EPOR: variants seen among roughly 807,000 people sequenced by gnomAD.
EPOR encodes erythropoietin receptor.
In EPOR, 20 loss-of-function variants were observed where a neutral mutation model predicts 34.3. That is an observed-to-expected ratio of 0.58 (90% confidence interval 0.41 to 0.85). The LOEUF is 0.85. Among genes scored for constraint, EPOR ranks in the 40% least tolerant of loss-of-function variants. The pLI is 0.00. For synonymous variants in EPOR, 312 were observed against 299.0 expected (o/e 1.04, Z -0.45); for missense variants, 601 against 672.7 (o/e 0.89, Z 1.18).
Position 11,381,288 on chromosome 19 carries a change from C to T in EPOR, c.586-79G>A. ...GGGGCGGGCCCTGGTGGAACTGAGC[C>T]AATCAGGGGAAAGGAAAACGGTGCC... is the stretch of plus-strand genomic sequence containing the variant. On this transcript the variant is annotated intron_variant, in intron 4 of 7. Transcript: ENST00000222139. The surrounding 1 kb of genome is among the most constrained non-coding windows in gnomAD (Gnocchi z 5.3). The T allele has an allele frequency of 1.4e-6, 2 of 1,475,916 alleles. No individual in the cohort carries two copies. The highest frequency in any genetic ancestry group is 1.8e-6 in the Non-Finnish European group (2 of 1,083,208). The allele number at this position is 1,475,916 out of a possible 1,614,324, so 91.4% of individuals were successfully genotyped here.
rs1568327766 is a variant in EPOR at position 11,377,630 on chromosome 19, A to G, written c.*354T>C. ...GAGCTGTTTAACATACTATTTTGTT[A>G]TGTTATGAGTAGCATTCAGATTGCA... is the stretch of plus-strand genomic sequence containing the variant. On this transcript the variant is annotated 3_prime_UTR_variant, in exon 8 of 8. Coordinates refer to ENST00000222139, the MANE Select transcript of EPOR (RefSeq NM_000121.4). The G allele has an allele frequency of 2.1e-6, 1 of 481,946 alleles. No homozygotes were observed. Among genetic ancestry groups the G allele is most frequent in the Non-Finnish European group, 4.1e-6 (1 of 246,322 alleles). 29.9% of individuals were successfully genotyped at this position (481,946 alleles called of 1,614,324 possible).
Position 11,381,594 on chromosome 19 carries a change from G to C in EPOR, c.585+98C>G. Reference sequence around the variant, plus strand: ...GGGTAATGGGATGTGGGATGTTACGGACCGGCCCTGAAAGCGGCACCGGGC... The same window carrying C: ...GGGTAATGGGATGTGGGATGTTACGCACCGGCCCTGAAAGCGGCACCGGGC... On this transcript the variant is annotated intron_variant, in intron 4 of 7. Coordinates refer to ENST00000222139, the MANE Select transcript of EPOR (RefSeq NM_000121.4). This position sits in a 1 kb window ranked among gnomAD's most constrained non-coding sequence, Gnocchi z 5.3. 1 of 1,282,814 alleles carries C rather than the reference G, an allele frequency of 7.8e-7. No homozygotes were observed. The highest frequency in any genetic ancestry group is 1.1e-6 in the Non-Finnish European group (1 of 922,324). 79.5% of individuals were successfully genotyped at this position (1,282,814 alleles called of 1,614,324 possible). A position where few individuals can be genotyped will look rare whatever the true frequency, so the allele number is the denominator to read the frequency against.
chr19:11,378,125 A>G lies in EPOR; in HGVS notation c.1386T>C (p.Ser462=). ...LKYLYLVVSD[S]GISTDYSSGD... ...CTGAGCTGTAGTCAGTTGAGATGCC[A>G]GAGTCAGATACCACAAGGTACAGGT... Residue 462 remains serine (S), a synonymous_variant, in exon 8 of 8, where the codon TCT becomes TCC. Coordinates refer to ENST00000222139, the MANE Select transcript of EPOR (RefSeq NM_000121.4). This position sits in a 1 kb window ranked among gnomAD's most constrained non-coding sequence, Gnocchi z 5.3. 3.1e-6 allele frequency: 5 copies of G among 1,614,106 alleles called. No homozygotes were observed. Among genetic ancestry groups the G allele is most frequent in the Non-Finnish European group, 4.2e-6 (5 of 1,180,020 alleles).
At position 11,383,467 on chromosome 19, in the gene EPOR, C is replaced by T; in HGVS notation, c.116-235G>A. 1 of 473,718 alleles carries T rather than the reference C, an allele frequency of 2.1e-6. No individual in the cohort carries two copies. The highest frequency in any genetic ancestry group is 3.7e-6 in the Non-Finnish European group (1 of 267,488). 29.3% of individuals were successfully genotyped at this position (473,718 alleles called of 1,614,324 possible). A position where few individuals can be genotyped will look rare whatever the true frequency, so the allele number is the denominator to read the frequency against. ...GTCACCACTGGCGCACACCTGCCCA[C>T]CCAGCGGCCAGCTGAGCTGGGCGCG... On this transcript the variant is annotated intron_variant, in intron 1 of 7. Transcript: ENST00000222139. The surrounding 1 kb of genome is among the most constrained non-coding windows in gnomAD (Gnocchi z 4.9).
rs1158802858 is a variant in EPOR, at chr19:11,384,133, C to A, written c.75G>T (p.Ala25=). ...LCLLLAGAAW[A]PPPNLPDPKF... ...TGGGGTCCGGGAGGTTAGGCGGGGGCGCCCAGGCGGCCCCAGCGAGCAGGA... is the reference window on the plus strand; with the variant it reads ...TGGGGTCCGGGAGGTTAGGCGGGGGAGCCCAGGCGGCCCCAGCGAGCAGGA... Residue 25 remains alanine, a synonymous_variant, in exon 1 of 8, where the codon GCG becomes GCT. Transcript: ENST00000222139. 1.3e-6 allele frequency: 2 copies of A among 1,550,128 alleles called. No individual in the cohort carries two copies. The highest frequency in any genetic ancestry group is 1.2e-5 in the South Asian group (1 of 83,962).
Position 11,378,589 on chromosome 19 carries a change from G to A in EPOR, c.922C>T (p.Leu308=), listed in dbSNP as rs371786811. ...TTHKGNFQLW[L]YQNDGCLWWS... ...CACAGGCAGCCATCATTCTGGTACAGCCACAGCTGAAGAAATAGCACCAAC... is the reference window on the plus strand; with the variant it reads ...CACAGGCAGCCATCATTCTGGTACAACCACAGCTGAAGAAATAGCACCAAC... Residue 308 remains leucine (L), a synonymous_variant, in exon 8 of 8, where the codon CTG becomes TTG. Transcript: ENST00000222139. This position sits in a 1 kb window ranked among gnomAD's most constrained non-coding sequence, Gnocchi z 5.3. 10 of 1,614,086 alleles carry A rather than the reference G, an allele frequency of 6.2e-6. No individual in the cohort carries two copies. The highest frequency in any genetic ancestry group is 7.6e-6 in the Non-Finnish European group (9 of 1,180,040).
Position 11,381,252 on chromosome 19 carries a change from T to G in EPOR, c.586-43A>C, listed in dbSNP as rs971717705. 3.9e-6 allele frequency: 6 copies of G among 1,546,604 alleles called. No homozygotes were observed. Reference sequence around the variant, plus strand: ...GCGAGGGACGCGTAGCAGACAAAAATAGATGACGTGGGGGCGGGCCCTGGT... The same window carrying G: ...GCGAGGGACGCGTAGCAGACAAAAAGAGATGACGTGGGGGCGGGCCCTGGT... On this transcript the variant is annotated intron_variant, in intron 4 of 7. Transcript: ENST00000222139. This position sits in a 1 kb window ranked among gnomAD's most constrained non-coding sequence, Gnocchi z 5.3.
In EPOR at chr19:11,381,132, G is replaced by C. The variant is rs747618605; in HGVS notation, c.663C>G (p.Arg221=). 3 of 1,572,016 alleles carry C rather than the reference G, an allele frequency of 1.9e-6. No individual in the cohort carries two copies. The highest frequency in any genetic ancestry group is 2.6e-6 in the Non-Finnish European group (3 of 1,158,570). ...CGAAGCTCGGCTCAGCCATACGCGC[G>C]CGGACGGCGAAGGTGTAGCGCGTCC... The part of the protein sequence containing the change: ...RGRTRYTFAV[R]ARMAEPSFGG... Residue 221 remains arginine (R), a synonymous_variant, in exon 5 of 8, where the codon CGC becomes CGG. Transcript: ENST00000222139. This position sits in a 1 kb window ranked among gnomAD's most constrained non-coding sequence, Gnocchi z 5.3.
chr19:11,379,920 C>T (rs534606974), intron 6 of EPOR, among the ~76,000 whole-genome samples: 34 of 152,272 alleles, frequency 2.2e-4, no homozygotes, highest in African/African-American at 7.5e-4. Context: ...AGGCTGGTCG[C>T]GAACTCCCAA....
rs1273062872 is a variant in EPOR, at chr19:11,381,052, T to C, written c.739+4A>G. The C allele has an allele frequency of 6.3e-7, 1 of 1,598,668 alleles. No individual in the cohort carries two copies. ...TCCTCCTACACCCCCGCCTGGGGCC[T>C]CACCGCTAGGCGTCAGCAGCGACAC... On this transcript the variant is annotated splice_donor_region_variant and intron_variant, in intron 5 of 7. Coordinates refer to ENST00000222139, the MANE Select transcript of EPOR (RefSeq NM_000121.4). The surrounding 1 kb of genome is among the most constrained non-coding windows in gnomAD (Gnocchi z 5.3).
rs1308143422 is a variant in EPOR, at chr19:11,383,142, C to T, written c.206G>A (p.Ser69Asn). The T allele has an allele frequency of 1.2e-6, 2 of 1,613,588 alleles. No individual in the cohort carries two copies. The highest frequency in any genetic ancestry group is 1.3e-5 in the African/African-American group (1 of 75,048). Residue 69 changes from serine to asparagine, a missense_variant, in exon 2 of 8, where the codon AGC (serine) becomes AAC (asparagine). Ser to Asn is a conservative substitution (Grantham distance 46). Coordinates refer to ENST00000222139, the MANE Select transcript of EPOR (RefSeq NM_000121.4). The surrounding 1 kb of genome is among the most constrained non-coding windows in gnomAD (Gnocchi z 4.9). ...GTAGTTGCCCGGGCCCACCCCAGCG[C>T]TCGCCGCTTCCTCCCAGAAACACAC... ...DLVCFWEEAA[S>N]AGVGPGNYSF...
rs1968310639 is a variant in EPOR at position 11,378,321 on chromosome 19, A to G, written c.1190T>C (p.Met397Thr). The part of the protein sequence containing the change: ...GPGGSVDIVA[M>T]DEGSEASSCS... Reference sequence around the variant, plus strand: ...GGAGGATGCTTCTGAGCCTTCATCCATGGCCACTATGTCCACACTGCCACC... The same window carrying G: ...GGAGGATGCTTCTGAGCCTTCATCCGTGGCCACTATGTCCACACTGCCACC... The change falls in exon 8 of 8, where the codon ATG becomes ACG. Residue 397 changes from methionine to threonine, a missense_variant. Met to Thr is a moderately conservative substitution (Grantham distance 81). Transcript: ENST00000222139. This position sits in a 1 kb window ranked among gnomAD's most constrained non-coding sequence, Gnocchi z 5.3. 1.2e-6 allele frequency: 2 copies of G among 1,613,586 alleles called. No individual in the cohort carries two copies. Among genetic ancestry groups the G allele is most frequent in the East Asian group, 2.2e-5 (1 of 44,886 alleles).
chr19:11,382,851 G>C (rs1212721652), intron 2 of EPOR: 2 of 1,494,594 alleles, frequency 1.3e-6, no homozygotes, highest in South Asian at 2.4e-5. Flanking sequence ...CCTTACCCTC[G>C]ATTTGGAGGC....
rs761347229 is a variant in EPOR, at chr19:11,377,822, A to G, written c.*162T>C. 1.2e-6 allele frequency: 1 copy of G among 822,714 alleles called. No individual in the cohort carries two copies. Among genetic ancestry groups the G allele is most frequent in the South Asian group, 1.3e-5 (1 of 74,754 alleles). 51.0% of individuals were successfully genotyped at this position (822,714 alleles called of 1,614,324 possible). A position where few individuals can be genotyped will look rare whatever the true frequency, so the allele number is the denominator to read the frequency against. On this transcript the variant is annotated 3_prime_UTR_variant, in exon 8 of 8. Transcript: ENST00000222139. ...AAAAAAAAACTATACATATTTAAAAATACTGCAAGGTTGTGGTTTCCTGAG... is the reference window on the plus strand; with the variant it reads ...AAAAAAAAACTATACATATTTAAAAGTACTGCAAGGTTGTGGTTTCCTGAG...
Position 11,383,490 on chromosome 19 carries a change from G to A in EPOR, c.116-258C>T. On this transcript the variant is annotated intron_variant, in intron 1 of 7. Coordinates refer to ENST00000222139, the MANE Select transcript of EPOR (RefSeq NM_000121.4). The surrounding 1 kb of genome is among the most constrained non-coding windows in gnomAD (Gnocchi z 4.9). ...CACCCAGCGGCCAGCTGAGCTGGGC[G>A]CGGCGTTCAAGACCTCGAGCTCGGG... 1 of 426,374 alleles carries A rather than the reference G, an allele frequency of 2.3e-6. No individual in the cohort carries two copies. The highest frequency in any genetic ancestry group is 3.8e-5 in the South Asian group (1 of 26,374). The allele number at this position is 426,374 out of a possible 1,614,324, so 26.4% of individuals were successfully genotyped here.
In EPOR at chr19:11,383,732, G is replaced by C. The variant is rs1169906132; in HGVS notation, c.115+361C>G. 2.6e-5 allele frequency among the ~76,000 whole-genome samples: 4 copies of C among 151,960 alleles called. No homozygotes were observed. The highest frequency in any genetic ancestry group is 5.9e-5 in the Non-Finnish European group (4 of 67,912). On this transcript the variant is annotated intron_variant, in intron 1 of 7. Coordinates refer to ENST00000222139, the MANE Select transcript of EPOR (RefSeq NM_000121.4). The surrounding 1 kb of genome is among the most constrained non-coding windows in gnomAD (Gnocchi z 4.9). ...CTTGGCCCCTCTAACTCGGACCCGG[G>C]CTTTACCCTCCCTCCCCTAGGGAGG...
rs751983335 is a variant in EPOR at position 11,382,922 on chromosome 19, GC to G, written c.251+174del. The G allele has an allele frequency of 2.1e-5, 33 of 1,535,808 alleles. No individual in the cohort carries two copies. In the South Asian group the frequency reaches 3.8e-4, roughly 18 times the overall value. ...CAGCGGTGATCGCGGGAGTGTTCGCGCCCCGGCCCATAGAGGGCGTGCCAGC... is the reference window on the plus strand; with the variant it reads ...CAGCGGTGATCGCGGGAGTGTTCGCGCCCGGCCCATAGAGGGCGTGCCAGC... On this transcript the variant is annotated intron_variant, in intron 2 of 7. Coordinates refer to ENST00000222139, the MANE Select transcript of EPOR (RefSeq NM_000121.4).
rs1568329609 is a variant in EPOR, at chr19:11,381,744, ATG to A, written c.531_532del (p.Ile178ProfsTer48). On this transcript the variant is annotated frameshift_variant, in exon 4 of 8. Transcript: ENST00000222139. LOFTEE classifies it high-confidence loss of function. The surrounding 1 kb of genome is among the most constrained non-coding windows in gnomAD (Gnocchi z 5.3). ...GGCCGAGACGTCCACCTCGTAGCGG[ATG>A]TGAGACGTCATGGGTGTCTCAGGCG... 1 of 1,613,216 alleles carries A rather than the reference ATG, an allele frequency of 6.2e-7. No individual in the cohort carries two copies. The highest frequency in any genetic ancestry group is 8.5e-7 in the Non-Finnish European group (1 of 1,179,690).
Position 11,381,610 on chromosome 19 carries a change from G to A in EPOR, c.585+82C>T, listed in dbSNP as rs780039428. 21 of 1,443,194 alleles carry A rather than the reference G, an allele frequency of 1.5e-5. No homozygotes were observed. Among genetic ancestry groups the A allele is most frequent in the African/African-American group, 4.2e-5 (3 of 71,034 alleles). 89.4% of individuals were successfully genotyped at this position (1,443,194 alleles called of 1,614,324 possible). A position where few individuals can be genotyped will look rare whatever the true frequency, so the allele number is the denominator to read the frequency against. ...GATGTTACGGACCGGCCCTGAAAGC[G>A]GCACCGGGCGCGACCTCGAGAGGCG... On this transcript the variant is annotated intron_variant, in intron 4 of 7. Coordinates refer to ENST00000222139, the MANE Select transcript of EPOR (RefSeq NM_000121.4). The surrounding 1 kb of genome is among the most constrained non-coding windows in gnomAD (Gnocchi z 5.3).
Sources: gnomAD v4.1 joint callset for allele counts (sites outside exome capture counted in the v4.1 genomes callset) on GRCh38, gnomAD v4.1.1 for gene constraint, Gnocchi (gnomAD v3.1) non-coding constraint, MANE v1.5 for transcripts, NCBI Gene and HGNC (gene_info 2026-07-23, HGNC 2026-07-21) for gene names.